The following GARNL3 variants were observed in gnomAD, a reference collection of about 807,000 sequenced individuals.
GARNL3 encodes the protein GTPase-activating Rap/Ran-GAP domain-like protein 3.
In GARNL3, 63 loss-of-function variants were observed where a neutral mutation model predicts 125.0. That is an observed-to-expected ratio of 0.50 (90% CI 0.41 to 0.62). The LOEUF is 0.62. Among genes scored for constraint, GARNL3 ranks in the 20% least tolerant of loss-of-function variants. The pLI, the probability that GARNL3 is intolerant of heterozygous loss-of-function variation, is 0.00. For missense variants in GARNL3, 994 were observed against 1,244.0 expected (o/e 0.80, Z 3.02); for synonymous variants, 439 against 457.5 (o/e 0.96, Z 0.52).
upstream of GARNL3, chr9:127,264,373 A>G: frequency 2.9e-6 from 1 of 339,996 alleles, no homozygotes; most frequent in Non-Finnish European, 4.2e-6. Flanking sequence ...ATACTTGGAC[A>G]TTAGATTTTC....
chr9:127,305,184 A>G (rs1051856347), intron 2 of GARNL3, among the ~76,000 whole-genome samples: 9 of 152,166 alleles, frequency 5.9e-5, no homozygotes, highest in Non-Finnish European at 1.0e-4. Flanking sequence ...AATATTTTCT[A>G]TATTGATCTA....
At position 127,355,405 on chromosome 9, in the gene GARNL3, G is replaced by A. The variant is rs1452913610; in HGVS notation, c.1868G>A (p.Gly623Glu). The A allele has an allele frequency of 6.2e-7, 1 of 1,614,218 alleles. No homozygotes were observed. The change falls in exon 20 of 28, where the codon GGG becomes GAG. Residue 623 changes from glycine to glutamate, a missense_variant. Physicochemically the swap from Gly to Glu is moderately conservative, Grantham distance 98. Coordinates refer to ENST00000373387, the MANE Select transcript of GARNL3 (RefSeq NM_032293.5). ...ACAAGAAAACACAACAAGCCAAGCGGGGTCACCAGCACCTCATTGTTATCT... is the reference window on the plus strand; with the variant it reads ...ACAAGAAAACACAACAAGCCAAGCGAGGTCACCAGCACCTCATTGTTATCT... ...LITRKHNKPSGVTSTSLLSPL... is the reference protein window; with the variant it reads ...LITRKHNKPSEVTSTSLLSPL...
intron 1 of GARNL3, among the ~76,000 whole-genome samples, chr9:127,224,928 T>G (rs1186097022): frequency 4.1e-3 from 25 of 6,144 alleles, no homozygotes; most frequent in Admixed American, 6.3e-3. Context: ...GGGCGGGGCG[T>G]GGGCGGGGCG....
At chr9:127,360,460 A>G (rs1263263660) in intron 21 of GARNL3, among the ~76,000 whole-genome samples, 2 of 152,232 alleles carry the variant, frequency 1.3e-5, no homozygotes, top group African/African-American at 4.8e-5. Flanking sequence ...AGCTCCCAGC[A>G]GTGCTTAGTC....
At chr9:127,252,558 G>A (rs1335646198) in intron 2 of GARNL3, among the ~76,000 whole-genome samples, 1 of 152,172 alleles carries the variant, frequency 6.6e-6, no homozygotes, top group African/African-American at 2.4e-5. Context: ...TAGGAACTGA[G>A]GTCCATGAAG....
intron 1 of GARNL3, chr9:127,225,446 C>T (rs1468480546): frequency 1.2e-6 from 1 of 811,010 alleles, no homozygotes. Context: ...GGGTGCCGGC[C>T]ACGTGGGGGG....
At chr9:127,367,775 C>T (rs1358039217) in intron 22 of GARNL3, among the ~76,000 whole-genome samples, 2 of 152,106 alleles carry the variant, frequency 1.3e-5, no homozygotes, top group Non-Finnish European at 2.9e-5. Context: ...CGCATAAGTG[C>T]CCCTTGTTTT....
chr9:127,272,234 A>G (rs1483734520), intron 1 of GARNL3, among the ~76,000 whole-genome samples: 3 of 150,062 alleles, frequency 2.0e-5, no homozygotes, highest in Non-Finnish European at 4.4e-5. Context: ...CTGCCTGTCC[A>G]GCACCCCTAA....
intron 1 of GARNL3, among the ~76,000 whole-genome samples, chr9:127,284,464 T>G (rs2064188684): frequency 6.6e-6 from 1 of 152,266 alleles, no homozygotes; most frequent in South Asian, 2.1e-4. Flanking sequence ...TGTTAATCAA[T>G]TATACTATCT....
At chr9:127,383,637 CTGCGAA>C in intron 23 of GARNL3, 92 bp downstream of exon 23, 1 of 753,734 alleles carries the variant, frequency 1.3e-6, no homozygotes, top group Non-Finnish European at 2.2e-6. Flanking sequence ...CACTGGCTTA[CTGCGAA>C]ATTGCTATAA....
At chr9:127,263,883 G>A (rs2063645140), upstream of GARNL3, 1 of 1,401,152 alleles carries the variant, frequency 7.1e-7, no homozygotes, top group East Asian at 2.7e-5. Context: ...GTCAAACAGT[G>A]TCCTGGCAGA....
chr9:127,305,063 G>T (rs2064912994), intron 2 of GARNL3, among the ~76,000 whole-genome samples: 1 of 152,170 alleles, frequency 6.6e-6, no homozygotes. Flanking sequence ...TAACGCTCAA[G>T]AGCAGGTAAA....
chr9:127,295,391 T>C (rs1356030996), intron 2 of GARNL3, among the ~76,000 whole-genome samples: 1 of 152,234 alleles, frequency 6.6e-6, no homozygotes, highest in African/African-American at 2.4e-5. Flanking sequence ...AGCTGATCTG[T>C]TCCTGCTTGA....
intron 17 of GARNL3, among the ~76,000 whole-genome samples, chr9:127,351,360 C>T (rs1184953578): frequency 1.3e-5 from 2 of 151,986 alleles, no homozygotes; most frequent in African/African-American, 2.4e-5. Context: ...TGAAGGAAGT[C>T]GCCTTCAACA....
At chr9:127,367,558 T>G (rs1831351252) in intron 22 of GARNL3, among the ~76,000 whole-genome samples, 1 of 152,198 alleles carries the variant, frequency 6.6e-6, no homozygotes, top group Admixed American at 6.5e-5. Flanking sequence ...CTACTAATAT[T>G]GGGTTTTTTA....
At chr9:127,365,229 A>G in intron 21 of GARNL3, 71 bp from the exon 22 acceptor site, 2 of 1,356,580 alleles carry the variant, frequency 1.5e-6, no homozygotes, top group Non-Finnish European at 2.1e-6. Context: ...ACAAATGCTC[A>G]CAACTTGTAA....
At chr9:127,225,461 C>A in intron 1 of GARNL3, 2 of 693,424 alleles carry the variant, frequency 2.9e-6, no homozygotes, top group African/African-American at 2.0e-5. Flanking sequence ...GGGGGGATGG[C>A]GATGTGAAGG....
chr9:127,321,997 A>G (rs1478115867), intron 6 of GARNL3, among the ~76,000 whole-genome samples: 3 of 152,204 alleles, frequency 2.0e-5, no homozygotes, highest in Non-Finnish European at 4.4e-5. Flanking sequence ...GTGAATTCTC[A>G]TATCTTTTGT....
intron 5 of GARNL3, among the ~76,000 whole-genome samples, chr9:127,319,211 G>A (rs1381523285): frequency 1.3e-5 from 2 of 152,156 alleles, no homozygotes; most frequent in African/African-American, 2.4e-5. Context: ...AAGGCCGGGC[G>A]CAATGGTGCA....
Sources: allele counts gnomAD v4.1 joint callset (sites outside exome capture counted in the v4.1 genomes callset), GRCh38; gene constraint gnomAD v4.1.1; transcripts MANE v1.5; gene names NCBI Gene and HGNC (gene_info 2026-07-23, HGNC 2026-07-21).